TP63: variants seen among roughly 807,000 people sequenced by gnomAD.
TP63 encodes the protein tumor protein p63.
Under a neutral mutation model 82.8 loss-of-function variants are expected in TP63, and 17 were observed. The observed-to-expected ratio is 0.21, with a 90% confidence interval of 0.14 to 0.31. TP63 has a LOEUF of 0.31. Ranked by LOEUF, TP63 falls within the 10% of genes least tolerant of loss-of-function variation. The pLI is 1.00. For missense variants in TP63, 648 were observed against 895.3 expected (o/e 0.72, Z 3.52); for synonymous variants, 330 against 321.7 (o/e 1.03, Z -0.28).
At chr3:189,607,481 A>T in the TP63 span, among the ~76,000 whole-genome samples, 2 of 152,152 alleles carry the variant, frequency 1.3e-5, no homozygotes, top group African/African-American at 4.8e-5. Flanking sequence ...GTTATTTATT[A>T]TTACAAATAA....
chr3:189,837,132 C>CAACAAA (rs1422139984), intron 4 of TP63, among the ~76,000 whole-genome samples: 2 of 152,156 alleles, frequency 1.3e-5, no homozygotes, highest in African/African-American at 4.8e-5. Context: ...TGGTGTTTCG[C>CAACAAA]AGTCAACAAA....
chr3:189,619,728 C>T, the TP63 span, among the ~76,000 whole-genome samples: 25 of 152,254 alleles, frequency 1.6e-4, 1 homozygote, highest in Middle Eastern at 0.017. Flanking sequence ...ACCATAACTG[C>T]CAAAAGCCCG....
At chr3:189,701,631 G>A (rs751978896) in intron 1 of TP63, among the ~76,000 whole-genome samples, 5 of 150,432 alleles carry the variant, frequency 3.3e-5, no homozygotes, top group Non-Finnish European at 7.4e-5. Flanking sequence ...TACCTATTTG[G>A]ATCATATTTA....
At chr3:189,820,580 A>G (rs546608840) in intron 4 of TP63, among the ~76,000 whole-genome samples, 1 of 152,342 alleles carries the variant, frequency 6.6e-6, no homozygotes, top group South Asian at 2.1e-4. Context: ...CAGAAGGGAC[A>G]AAAGGAGAAA....
chr3:189,802,895 C>A (rs1187410597), intron 3 of TP63, among the ~76,000 whole-genome samples: 3 of 152,142 alleles, frequency 2.0e-5, no homozygotes, highest in Non-Finnish European at 4.4e-5. Context: ...CTGATTTGGT[C>A]CCTATCCCAT....
At chr3:189,680,041 C>T (rs1715777489) in intron 1 of TP63, among the ~76,000 whole-genome samples, 1 of 152,052 alleles carries the variant, frequency 6.6e-6, no homozygotes, top group Non-Finnish European at 1.5e-5. Context: ...ATGTCTCCAG[C>T]TTTGTTTTTC....
At chr3:189,683,190 A>G (rs571201048) in intron 1 of TP63, among the ~76,000 whole-genome samples, 122 of 152,354 alleles carry the variant, frequency 8.0e-4, no homozygotes, top group Non-Finnish European at 1.4e-3. Flanking sequence ...GATTCATCAT[A>G]TCTAATGAAT....
chr3:189,826,806 T>C (rs1421943030), intron 4 of TP63, among the ~76,000 whole-genome samples: 1 of 152,188 alleles, frequency 6.6e-6, no homozygotes, highest in East Asian at 1.9e-4. Context: ...CAAGATGCGT[T>C]TGTTGAGGCT....
chr3:189,794,750 G>C (rs1413528086), intron 3 of TP63, among the ~76,000 whole-genome samples: 1 of 151,988 alleles, frequency 6.6e-6, no homozygotes, highest in Non-Finnish European at 1.5e-5. Context: ...TGTGTAATTG[G>C]AGCTCTACTA....
At chr3:189,875,597 T>C (rs1284860695) in intron 10 of TP63, among the ~76,000 whole-genome samples, 4 of 34,716 alleles carry the variant, frequency 1.2e-4, no homozygotes, top group Admixed American at 2.4e-4. Flanking sequence ...TACATACATA[T>C]ATATATATAT....
At chr3:189,789,528 G>T (rs1432599216) in intron 3 of TP63, 1 of 430,146 alleles carries the variant, frequency 2.3e-6, no homozygotes, top group Admixed American at 4.8e-5. Context: ...TACTTAATGA[G>T]ATGGGAGAGG....
In TP63 at chr3:189,875,613, T is replaced by TATATATATACAC. The variant is rs1553859700; in HGVS notation, c.1349+2627_1349+2628insCACATATATATA. Among the ~76,000 whole-genome samples, 132 of 105,494 alleles carry TATATATATACAC rather than the reference T, an allele frequency of 1.3e-3. 1 individual carries two copies. Among genetic ancestry groups the TATATATATACAC allele is most frequent in the African/African-American group, 4.9e-3 (122 of 24,920 alleles). The allele number at this position is 105,494 out of a possible 152,430, so 69.2% of individuals were successfully genotyped here. ...ACATACATATATATATATATATATATATATATATATATATATATATATATA... is the reference window on the plus strand; with the variant it reads ...ACATACATATATATATATATATATATATATATATACACATATATATATATATATATATATATA... On this transcript the variant is annotated intron_variant, in intron 10 of 13. Coordinates refer to ENST00000264731, the MANE Select transcript of TP63 (RefSeq NM_003722.5).
At chr3:189,662,304 C>T (rs1713955378) in intron 1 of TP63, among the ~76,000 whole-genome samples, 1 of 151,958 alleles carries the variant, frequency 6.6e-6, no homozygotes, top group South Asian at 2.1e-4. Context: ...TTGACTTCTG[C>T]CTTAATTTAG....
intron 3 of TP63, among the ~76,000 whole-genome samples, chr3:189,745,788 G>C (rs1023523915): frequency 4.3e-5 from 6 of 138,610 alleles, no homozygotes; most frequent in African/African-American, 1.6e-4. Context: ...AAATACATTT[G>C]AAAGCTTCAG....
the TP63 span, among the ~76,000 whole-genome samples, chr3:189,605,782 TAAG>T: frequency 3.1e-4 from 47 of 151,906 alleles, no homozygotes; most frequent in South Asian, 7.3e-3. Context: ...GAAAAAAAAA[TAAG>T]AAGTCTTTCA....
At chr3:189,773,245 C>T (rs889703655) in intron 3 of TP63, among the ~76,000 whole-genome samples, 14 of 152,158 alleles carry the variant, frequency 9.2e-5, no homozygotes, top group Admixed American at 7.2e-4. Context: ...TAATCCCTTC[C>T]GATTGTGTCA....
Position 189,829,989 on chromosome 3 carries a change from C to T in TP63, c.579+21463C>T, listed in dbSNP as rs77473380. The T allele has an allele frequency of 7.9e-4, 229 of 291,408 alleles. 5 individuals carry two copies. In the East Asian group the frequency reaches 0.02, roughly 26 times the overall value. 18.1% of individuals were successfully genotyped at this position (291,408 alleles called of 1,614,324 possible). On this transcript the variant is annotated intron_variant, in intron 4 of 13. Coordinates refer to ENST00000264731, the MANE Select transcript of TP63 (RefSeq NM_003722.5). ...TGTATAAAGAGAAATTATTGTACATCGGATGAGCTGTGTCTGGGATTAAGT... is the reference window on the plus strand; with the variant it reads ...TGTATAAAGAGAAATTATTGTACATTGGATGAGCTGTGTCTGGGATTAAGT...
At chr3:189,890,182 G>A (rs902736646) in intron 12 of TP63, among the ~76,000 whole-genome samples, 3 of 152,132 alleles carry the variant, frequency 2.0e-5, no homozygotes, top group African/African-American at 7.2e-5. Context: ...TGATTTTCCT[G>A]CTACGTCAAT....
rs373304612 is a variant in TP63, at chr3:189,632,364, A to T, written c.62+787A>T. ...GCGTGTTGAAAATGGTGAGGTTACA[A>T]AGGGTTAACTTGCCATTTACCACCT... On this transcript the variant is annotated intron_variant, in intron 1 of 13. Transcript: ENST00000264731. 4.6e-5 allele frequency among the ~76,000 whole-genome samples: 7 copies of T among 152,208 alleles called. No homozygotes were observed. The East Asian group carries it at 9.7e-4, about 21-fold the overall frequency.
Sources: allele counts gnomAD v4.1 joint callset (sites outside exome capture counted in the v4.1 genomes callset), GRCh38; gene constraint gnomAD v4.1.1; transcripts MANE v1.5; gene names NCBI Gene and HGNC (gene_info 2026-07-23, HGNC 2026-07-21).